Variants in NUP58 observed in about 807,000 individuals in gnomAD.
The protein encoded by NUP58 is nucleoporin p58/p45.
NUP58 carries 17 observed loss-of-function variants against 70.1 expected under a neutral mutation model. The ratio of observed to expected loss-of-function variants is 0.24; its 90% confidence interval spans 0.17 to 0.36. The LOEUF is 0.36. Among genes scored for constraint, NUP58 ranks in the 10% least tolerant of loss-of-function variants. The pLI is 1.00. For synonymous variants in NUP58, 275 were observed against 257.6 expected, an observed-to-expected ratio of 1.07 and a Z score of -0.65; for missense variants, 644 against 701.5, an observed-to-expected ratio of 0.92 and a Z score of 0.93.
At chr13:25,302,901 C>T (rs1446263761) in intron 1 of NUP58, 1 of 451,234 alleles carries the variant, frequency 2.2e-6, no homozygotes, top group East Asian at 7.0e-5. Context: ...GTTACTTCTG[C>T]CATTTCTGTT....
At chr13:25,335,675 G>T (rs2031755228) in intron 13 of NUP58, 5 of 985,186 alleles carry the variant, frequency 5.1e-6, no homozygotes, top group Non-Finnish European at 6.0e-6. Flanking sequence ...TCCAGTTTCT[G>T]TCCCAGTGTA....
intron 10 of NUP58, 25 bp downstream of exon 10, chr13:25,325,093 A>C (rs766733304): frequency 6.6e-7 from 1 of 1,505,916 alleles, no homozygotes; most frequent in Non-Finnish European, 9.2e-7. Context: ...TTTTAAAAAC[A>C]AATGTTTCTC....
chr13:25,321,044 T>G lies in NUP58; in HGVS notation c.902T>G (p.Ile301Arg), dbSNP rs962935367. The change falls in exon 9 of 16, where the codon ATA (isoleucine) becomes AGA (arginine). Residue 301 changes from isoleucine (I) to arginine (R), a missense_variant. This residue lies in a region of NUP58 where 430 missense variants were observed against 409.2 expected (regional missense o/e 1.05). Transcript: ENST00000381736. ...KQLLSLAANG[I>R]QRNTLNIDKL... Reference sequence around the variant, plus strand: ...CTCCTGTCGTTGGCTGCCAATGGAATACAGAGAAACACTCTCAACATTGAC... The same window carrying G: ...CTCCTGTCGTTGGCTGCCAATGGAAGACAGAGAAACACTCTCAACATTGAC... 2.5e-6 allele frequency: 4 copies of G among 1,599,748 alleles called. No individual in the cohort carries two copies. The highest frequency in any genetic ancestry group is 2.6e-6 in the Non-Finnish European group (3 of 1,175,004).
intron 13 of NUP58, chr13:25,332,606 C>G: frequency 1.0e-6 from 1 of 985,380 alleles, no homozygotes; most frequent in Non-Finnish European, 1.2e-6. Context: ...CTGGTTTTCA[C>G]TATTGGCAGT....
chr13:25,333,651 T>C (rs1196498080), intron 13 of NUP58: 71 of 985,302 alleles, frequency 7.2e-5, no homozygotes, highest in Non-Finnish European at 8.6e-5. Context: ...TCGTTATTTT[T>C]AGTCATGTCA....
chr13:25,313,682 C>T lies in NUP58; in HGVS notation c.505C>T (p.Leu169Phe), dbSNP rs144337938. 6 of 1,531,400 alleles carry T rather than the reference C, an allele frequency of 3.9e-6. No homozygotes were observed. The highest frequency in any genetic ancestry group is 2.9e-5 in the African/African-American group (2 of 68,616). The allele number at this position is 1,531,400 out of a possible 1,614,324, so 94.9% of individuals were successfully genotyped here. A position where few individuals can be genotyped will look rare whatever the true frequency, so the allele number is the denominator to read the frequency against. The stretch of plus-strand genomic sequence containing the variant: ...CACAACTACAACTGCATCAACAGGC[C>T]TCTCTTTAGGGGGAGCCTTAGCTGG... ...TATTTTASTGLSLGGALAGLG... is the reference protein window; with the variant it reads ...TATTTTASTGFSLGGALAGLG... The change falls in exon 5 of 16, where the codon CTC (leucine) becomes TTC (phenylalanine). Residue 169 changes from leucine to phenylalanine, a missense_variant. By Grantham distance (22) the Leu-to-Phe change is conservative. This residue lies in a region of NUP58 where 430 missense variants were observed against 409.2 expected (regional missense o/e 1.05). Coordinates refer to ENST00000381736, the MANE Select transcript of NUP58 (RefSeq NM_014089.4).
intron 5 of NUP58, among the ~76,000 whole-genome samples, chr13:25,314,759 C>T (rs561069518): frequency 1.4e-4 from 22 of 152,186 alleles, no homozygotes; most frequent in Non-Finnish European, 2.9e-4. Context: ...TGAAATTTTG[C>T]GCTTGACTCA....
At chr13:25,303,550 C>T (rs1298766922) in intron 1 of NUP58, among the ~76,000 whole-genome samples, 2 of 151,942 alleles carry the variant, frequency 1.3e-5, no homozygotes, top group Admixed American at 6.6e-5. Flanking sequence ...TTTCTCTTTT[C>T]AAGTGGGCTT....
chr13:25,307,087 A>G (rs887818252), intron 1 of NUP58, among the ~76,000 whole-genome samples: 2 of 152,278 alleles, frequency 1.3e-5, no homozygotes, highest in East Asian at 1.9e-4. Flanking sequence ...TTCTATGACC[A>G]TTTAAAAATA....
intron 1 of NUP58, 74 bp downstream of exon 1, chr13:25,301,954 C>A: frequency 2.1e-6 from 2 of 945,820 alleles, no homozygotes; most frequent in Non-Finnish European, 3.2e-6. Flanking sequence ...CTTGGTGTCC[C>A]CATCCTGTCT....
chr13:25,343,696 A>G (rs1055420924), downstream of NUP58, among the ~76,000 whole-genome samples: 2 of 151,546 alleles, frequency 1.3e-5, no homozygotes, highest in African/African-American at 4.8e-5. Context: ...ACCTCAGGTA[A>G]TCTGCCCGCC....
Position 25,313,691 on chromosome 13 carries a change from G to GGCT in NUP58, c.515_516insCTG (p.Gly172_Gly173insTrp). 1 of 1,531,882 alleles carries GGCT rather than the reference G, an allele frequency of 6.5e-7. No homozygotes were observed. Among genetic ancestry groups the GGCT allele is most frequent in the Non-Finnish European group, 8.7e-7 (1 of 1,152,568 alleles). 94.9% of individuals were successfully genotyped at this position (1,531,882 alleles called of 1,614,324 possible). ...AACTGCATCAACAGGCCTCTCTTTAGGGGGAGCCTTAGCTGGTTTGGGAGG... is the reference window on the plus strand; with the variant it reads ...AACTGCATCAACAGGCCTCTCTTTAGGCTGGGGAGCCTTAGCTGGTTTGGGAGG... On this transcript the variant is annotated inframe_insertion, in exon 5 of 16. Coordinates refer to ENST00000381736, the MANE Select transcript of NUP58 (RefSeq NM_014089.4).
At chr13:25,333,873 A>G in intron 13 of NUP58, 1 of 985,348 alleles carries the variant, frequency 1.0e-6, no homozygotes, top group Non-Finnish European at 1.2e-6. Context: ...TCTATACAAG[A>G]TTTGAGTTAT....
chr13:25,307,820 G>C lies in NUP58; in HGVS notation c.122G>C (p.Gly41Ala), dbSNP rs1224989024. The C allele has an allele frequency of 6.2e-7, 1 of 1,613,996 alleles. No homozygotes were observed. Among genetic ancestry groups the C allele is most frequent in the Non-Finnish European group, 8.5e-7 (1 of 1,179,974 alleles). ...GTGASSNPSV[G>A]LNFGNLGSTS... ...CTTTAAATAAGCAACCCTTCTGTGG[G>C]GCTCAATTTTGGAAATCTTGGAAGT... The change falls in exon 2 of 16, where the codon GGG (glycine) becomes GCG (alanine). Residue 41 changes from glycine to alanine, a missense_variant. Transcript: ENST00000381736.
At position 25,318,067 on chromosome 13, in the gene NUP58, C is replaced by T. The variant is rs191733050; in HGVS notation, c.686-1259C>T. Among the ~76,000 whole-genome samples, 981 of 151,992 alleles carry T rather than the reference C, an allele frequency of 6.5e-3. 16 individuals are homozygous for T. The highest frequency in any genetic ancestry group is 0.023 in the African/African-American group (933 of 41,444). On this transcript the variant is annotated intron_variant, in intron 6 of 15. Coordinates refer to ENST00000381736, the MANE Select transcript of NUP58 (RefSeq NM_014089.4). ...TTTTTTGGCCAGGCGCAGTGGCTCA[C>T]GCCTGTAATCCCAGCACTTTGGGAG...
chr13:25,321,971 A>T (rs1298832728), intron 9 of NUP58, among the ~76,000 whole-genome samples: 1 of 152,194 alleles, frequency 6.6e-6, no homozygotes, highest in Non-Finnish European at 1.5e-5. Context: ...TCTGTCACTA[A>T]TGTCTACTTG....
intron 3 of NUP58, among the ~76,000 whole-genome samples, chr13:25,347,668 G>A (rs1342013394): frequency 1.3e-5 from 2 of 152,172 alleles, no homozygotes; most frequent in East Asian, 3.8e-4. Flanking sequence ...ATTTTCAGGT[G>A]TTTTGTAGTG....
In NUP58 at chr13:25,301,823, T is replaced by G. The variant is rs1213198934; in HGVS notation, c.50T>G (p.Val17Gly). Residue 17 changes from valine (V) to glycine (G), a missense_variant, in exon 1 of 16, where the codon GTG becomes GGG. Coordinates refer to ENST00000381736, the MANE Select transcript of NUP58 (RefSeq NM_014089.4). The part of the protein sequence containing the change: ...FGSGTLGSTT[V>G]AAGGTSTGGV... ...TCCGGGACTCTGGGCTCCACCACCG[T>G]GGCCGCCGGCGGGACCAGCACAGGC... is the stretch of plus-strand genomic sequence containing the variant. The G allele has an allele frequency of 6.2e-7, 1 of 1,613,552 alleles. No individual in the cohort carries two copies. The highest frequency in any genetic ancestry group is 1.3e-5 in the African/African-American group (1 of 74,910).
At chr13:25,323,641 T>C (rs2137784476) in intron 9 of NUP58, among the ~76,000 whole-genome samples, 1 of 152,328 alleles carries the variant, frequency 6.6e-6, no homozygotes, top group East Asian at 1.9e-4. Context: ...GTTCTGCAGT[T>C]AGAACTGATG....
Sources: gnomAD v4.1 joint callset for allele counts (sites outside exome capture counted in the v4.1 genomes callset) on GRCh38, gnomAD v4.1.1 for gene constraint, gnomAD v4.1.1 regional missense constraint, MANE v1.5 for transcripts, NCBI Gene and HGNC (gene_info 2026-07-23, HGNC 2026-07-21) for gene names.